The following CTU2 variants were observed in gnomAD, a reference collection of about 807,000 sequenced individuals.
CTU2 encodes the protein cytosolic thiouridylase subunit 2, also known as cytoplasmic tRNA 2-thiolation protein 2.
In CTU2, 80 loss-of-function variants were observed where a neutral mutation model predicts 64.1. The ratio of observed to expected loss-of-function variants is 1.25; its 90% CI spans 1.04 to 1.50. The LOEUF is 1.50. Ranked by LOEUF, CTU2 falls within the 40% of genes most tolerant of loss-of-function variation. The pLI is 0.00. For synonymous variants in CTU2, 482 were observed against 285.3 expected, an observed-to-expected ratio of 1.69 and a Z score of -6.95; for missense variants, 1,110 against 690.2, an observed-to-expected ratio of 1.61 and a Z score of -6.81.
At chr16:88,712,071 T>C in intron 5 of CTU2, 1 of 699,262 alleles carries the variant, frequency 1.4e-6, no homozygotes, top group Non-Finnish European at 2.6e-6. Context: ...AACGAACTCC[T>C]GGGGTGTTGA....
rs779333653 is a variant in CTU2, at chr16:88,713,319, CT to C, written c.746del (p.Leu249ArgfsTer15). 3 of 1,596,812 alleles carry C rather than the reference CT, an allele frequency of 1.9e-6. No individual in the cohort carries two copies. Among genetic ancestry groups the C allele is most frequent in the Non-Finnish European group, 1.7e-6 (2 of 1,173,178 alleles). The part of the protein sequence containing the change: ...EELLQTLRTH[L>X]ILHMARAHGY... ...AGACGCTCTGTGCTTTAGGACCCAC[CT>C]GATCCTCCACATGGCCCGAGCCCAC... On this transcript the variant is annotated frameshift_variant, in exon 8 of 15. Coordinates refer to ENST00000453996, the MANE Select transcript of CTU2 (RefSeq NM_001012759.3). LOFTEE classifies it high-confidence loss of function.
chr16:88,713,531 A>G (rs1911548937), intron 8 of CTU2, 84 bp downstream of exon 8: 11 of 1,470,838 alleles, frequency 7.5e-6, no homozygotes, highest in African/African-American at 1.9e-5. Flanking sequence ...CCTCTCGCGT[A>G]TCAGTCCTGC....
rs993426050 is a variant in CTU2, at chr16:88,715,392, C to T, written c.*141C>T. ...TTTTTTAATTAAAAAAAAAACTCTA[C>T]AGTACACGTGGGGGACGGCAGCGCC... On this transcript the variant is annotated 3_prime_UTR_variant, in exon 15 of 15. Transcript: ENST00000453996. 3.8e-6 allele frequency: 4 copies of T among 1,046,150 alleles called. No individual in the cohort carries two copies. The highest frequency in any genetic ancestry group is 3.2e-5 in the South Asian group (2 of 61,758). The allele number at this position is 1,046,150 out of a possible 1,614,324, so 64.8% of individuals were successfully genotyped here. A position where few individuals can be genotyped will look rare whatever the true frequency, so the allele number is the denominator to read the frequency against.
Position 88,715,071 on chromosome 16 carries a change from G to A in CTU2, c.1443G>A (p.Pro481=), listed in dbSNP as rs368726680. 169 of 1,573,458 alleles carry A rather than the reference G, an allele frequency of 1.1e-4. No individual in the cohort carries two copies. The highest frequency in any genetic ancestry group is 3.0e-4 in the South Asian group (26 of 85,464). Reference sequence around the variant, plus strand: ...AGCCCTCACTGGACCCCCTGCCGCCGTACATCCTGGCTGAGGCCCAGCTCC... The same window carrying A: ...AGCCCTCACTGGACCCCCTGCCGCCATACATCCTGGCTGAGGCCCAGCTCC... The part of the protein sequence containing the change: ...KDLPSLDPLP[P]YILAEAQLRT... The change falls in exon 14 of 15, where the codon CCG becomes CCA. Residue 481 remains proline (P), a synonymous_variant. Coordinates refer to ENST00000453996, the MANE Select transcript of CTU2 (RefSeq NM_001012759.3).
At chr16:88,709,736 G>C in intron 2 of CTU2, 1 of 588,324 alleles carries the variant, frequency 1.7e-6, no homozygotes, top group African/African-American at 1.9e-5. Flanking sequence ...AGGGGCCGGT[G>C]AGCCTCGTGT....
intron 2 of CTU2, 87 bp downstream of exon 2, chr16:88,707,297 T>G: frequency 7.9e-7 from 1 of 1,262,334 alleles, no homozygotes; most frequent in South Asian, 1.2e-5. Flanking sequence ...TTGTTAATTC[T>G]TTTTAAAAAC....
chr16:88,711,322 A>G (rs1028234833), intron 4 of CTU2, among the ~76,000 whole-genome samples: 1 of 152,060 alleles, frequency 6.6e-6, no homozygotes, highest in Admixed American at 6.5e-5. Flanking sequence ...GGATGGTGGC[A>G]CAGTGGCCCC....
chr16:88,707,571 A>G (rs1443446961), intron 2 of CTU2, among the ~76,000 whole-genome samples: 3 of 152,108 alleles, frequency 2.0e-5, no homozygotes, highest in African/African-American at 7.2e-5. Context: ...AACTTGGCAG[A>G]TGGTCTGGGT....
intron 2 of CTU2, among the ~76,000 whole-genome samples, chr16:88,707,810 TTG>T (rs765137655): frequency 1.2e-3 from 35 of 28,198 alleles, no homozygotes; most frequent in Non-Finnish European, 1.5e-3. Context: ...GTTGTTGTTG[TTG>T]TTTTTTTTGA....
Position 88,714,857 on chromosome 16 carries a change from C to G in CTU2, c.1353-3C>G. On this transcript the variant is annotated splice_region_variant and splice_polypyrimidine_tract_variant and intron_variant, in intron 12 of 14. Transcript: ENST00000453996. ...GGGCACACAGCCAGCTCTGCTCCCG[C>G]AGGGAGGACCCCCAAGCCTGCATTG... The G allele has an allele frequency of 6.2e-7, 1 of 1,612,618 alleles. No homozygotes were observed. The highest frequency in any genetic ancestry group is 8.5e-7 in the Non-Finnish European group (1 of 1,179,870).
At chr16:88,706,774 T>G (rs1910877965) in intron 1 of CTU2, 176 bp downstream of exon 1, 3 of 528,330 alleles carry the variant, frequency 5.7e-6, no homozygotes, top group Admixed American at 7.4e-5. Flanking sequence ...GGGGACTTAC[T>G]CCACTGGCTC....
intron 4 of CTU2, 129 bp from the exon 5 acceptor site, chr16:88,711,506 A>C (rs1236210855): frequency 4.3e-6 from 4 of 931,030 alleles, no homozygotes; most frequent in African/African-American, 3.4e-5. Context: ...TGTCCAATAA[A>C]CGCAATGGCA....
chr16:88,710,239 C>A lies in CTU2; in HGVS notation c.239C>A (p.Ser80Tyr). Residue 80 changes from serine to tyrosine, a missense_variant, in exon 4 of 15, where the codon TCT becomes TAT. By Grantham distance (144) the Ser-to-Tyr change is moderately radical. Coordinates refer to ENST00000453996, the MANE Select transcript of CTU2 (RefSeq NM_001012759.3). ...FPGEKVLLAW[S>Y]GGPSSSSMVW... ...CTCCCCCAGGTGCTCTTGGCGTGGT[C>A]TGGGGGGCCTTCGTCCAGCTCCATG... The A allele has an allele frequency of 6.2e-7, 1 of 1,614,042 alleles. No individual in the cohort carries two copies. Among genetic ancestry groups the A allele is most frequent in the South Asian group, 1.1e-5 (1 of 91,074 alleles).
chr16:88,709,799 C>A, intron 2 of CTU2, 139 bp from the exon 3 acceptor site: 1 of 779,288 alleles, frequency 1.3e-6, no homozygotes, highest in Admixed American at 2.0e-5. Flanking sequence ...TTTCACCAGT[C>A]TCTGGACAGA....
chr16:88,710,072 C>G lies in CTU2; in HGVS notation c.222+56C>G, dbSNP rs1046023552. 1.4e-5 allele frequency: 22 copies of G among 1,595,532 alleles called. No homozygotes were observed. The African/African-American group carries it at 2.9e-4, about 21-fold the overall frequency. Reference sequence around the variant, plus strand: ...GCAGCCTGGCCCCTCGAGGTCCCTGCTTGTCCCTCCCACAGGCAGCCTGGC... The same window carrying G: ...GCAGCCTGGCCCCTCGAGGTCCCTGGTTGTCCCTCCCACAGGCAGCCTGGC... On this transcript the variant is annotated intron_variant, in intron 3 of 14. Coordinates refer to ENST00000453996, the MANE Select transcript of CTU2 (RefSeq NM_001012759.3).
chr16:88,713,371 A>G lies in CTU2; in HGVS notation c.797A>G (p.Asp266Gly). 1 of 1,602,480 alleles carries G rather than the reference A, an allele frequency of 6.2e-7. No individual in the cohort carries two copies. The highest frequency in any genetic ancestry group is 8.5e-7 in the Non-Finnish European group (1 of 1,176,138). The change falls in exon 8 of 15, where the codon GAC becomes GGC. Residue 266 changes from aspartate (D) to glycine (G), a missense_variant. Coordinates refer to ENST00000453996, the MANE Select transcript of CTU2 (RefSeq NM_001012759.3). ...AHGYSKVMTGDSCTRLAIKLM... is the reference protein window; with the variant it reads ...AHGYSKVMTGGSCTRLAIKLM... ...GGCTACTCCAAGGTCATGACTGGGG[A>G]CAGCTGCACACGCTTGGCTATCAAG...
rs376181849 is a variant in CTU2, at chr16:88,713,498, C to G, written c.873+51C>G. ...AGGCCCATCCTCACCTTCACCCCTTCGGCCACCTTTACTGGAGAGTAGCCT... is the reference window on the plus strand; with the variant it reads ...AGGCCCATCCTCACCTTCACCCCTTGGGCCACCTTTACTGGAGAGTAGCCT... On this transcript the variant is annotated intron_variant, in intron 8 of 14. Transcript: ENST00000453996. 7.1e-6 allele frequency: 11 copies of G among 1,550,520 alleles called. No homozygotes were observed. The African/African-American group carries it at 1.5e-4, about 21-fold the overall frequency.
At chr16:88,713,227 C>G in intron 7 of CTU2, 85 bp from the exon 8 acceptor site, 1 of 636,568 alleles carries the variant, frequency 1.6e-6, no homozygotes, top group Non-Finnish European at 2.3e-6. Flanking sequence ...CCCCCTTCCC[C>G]GGGCCCTGAC....
In CTU2 at chr16:88,710,258, C is replaced by G; in HGVS notation, c.258C>G (p.Ser86Arg). Residue 86 changes from serine to arginine, a missense_variant, in exon 4 of 15, where the codon AGC becomes AGG. Physicochemically the swap from Ser to Arg is moderately radical, Grantham distance 110 (BLOSUM62 -1). Transcript: ENST00000453996. ...LLAWSGGPSSSSMVWQVLEGL... is the reference protein window; with the variant it reads ...LLAWSGGPSSRSMVWQVLEGL... ...CGTGGTCTGGGGGGCCTTCGTCCAGCTCCATGGTCTGGCAGGTTCTTGAGG... is the reference window on the plus strand; with the variant it reads ...CGTGGTCTGGGGGGCCTTCGTCCAGGTCCATGGTCTGGCAGGTTCTTGAGG... 1 of 1,614,088 alleles carries G rather than the reference C, an allele frequency of 6.2e-7. No individual in the cohort carries two copies. Among genetic ancestry groups the G allele is most frequent in the East Asian group, 2.2e-5 (1 of 44,886 alleles).
Sources: allele counts gnomAD v4.1 joint callset (sites outside exome capture counted in the v4.1 genomes callset), GRCh38; gene constraint gnomAD v4.1.1; transcripts MANE v1.5; gene names NCBI Gene and HGNC (gene_info 2026-07-23, HGNC 2026-07-21).